Variants in MYBPC3 observed in about 807,000 individuals in gnomAD.
MYBPC3 encodes myosin-binding protein C, cardiac-type.
Under a neutral mutation model 159.3 loss-of-function variants are expected in MYBPC3, and 108 were observed. The ratio of observed to expected loss-of-function variants is 0.68; its 90% CI spans 0.58 to 0.80. MYBPC3 has a LOEUF of 0.80. Among genes scored for constraint, MYBPC3 ranks in the 30% least tolerant of loss-of-function variants. The pLI is 0.00. For missense variants in MYBPC3, 1,631 were observed against 1,762.1 expected (o/e 0.93, Z 1.33); for synonymous variants, 730 against 702.0 (o/e 1.04, Z -0.63).
chr11:47,351,189 G>GGGGCCCCCCCCCCCCCCC lies in MYBPC3; in HGVS notation c.292+49_292+50insGGGGGGGGGGGGGGGCCC. On this transcript the variant is annotated intron_variant, in intron 2 of 34. Coordinates refer to ENST00000545968, the MANE Select transcript of MYBPC3 (RefSeq NM_000256.3). The surrounding 1 kb of genome is among the most constrained non-coding windows in gnomAD (Gnocchi z 4.2). The stretch of plus-strand genomic sequence containing the variant: ...TGGATGGATGGAGAGTCGCTGGGCT[G>GGGGCCCCCCCCCCCCCCC]CCCCTCCCCCAGCAGCCCAAACCTC... 1.4e-6 allele frequency: 2 copies of GGGGCCCCCCCCCCCCCCC among 1,449,110 alleles called. No homozygotes were observed. The highest frequency in any genetic ancestry group is 9.2e-7 in the Non-Finnish European group (1 of 1,087,870). 89.8% of individuals were successfully genotyped at this position (1,449,110 alleles called of 1,614,324 possible). A position where few individuals can be genotyped will look rare whatever the true frequency, so the allele number is the denominator to read the frequency against.
chr11:47,338,680 CT>C lies in MYBPC3; in HGVS notation c.2149-2del, dbSNP rs1555121488. On this transcript the variant is annotated splice_acceptor_variant, in intron 22 of 34. Transcript: ENST00000545968. LOFTEE classifies it high-confidence loss of function. The surrounding 1 kb of genome is among the most constrained non-coding windows in gnomAD (Gnocchi z 4.7). ...CCCGGCCCTCGGTCTCACACAGCAG[CT>C]GGGGGGGTGCAGAGTTGGGGTGAGA... 1.2e-6 allele frequency: 2 copies of C among 1,608,902 alleles called. No homozygotes were observed. Among genetic ancestry groups the C allele is most frequent in the Non-Finnish European group, 1.7e-6 (2 of 1,177,384 alleles).
intron 12 of MYBPC3, among the ~76,000 whole-genome samples, chr11:47,344,881 C>T (rs1327501363): frequency 1.3e-4 from 20 of 152,306 alleles, no homozygotes; most frequent in Admixed American, 9.2e-4. Flanking sequence ...ACCTCTGCCT[C>T]CCGGGTTCAA....
At position 47,337,500 on chromosome 11, in the gene MYBPC3, A is replaced by C. The variant is rs1291707257; in HGVS notation, c.2493T>G (p.His831Gln). The C allele has an allele frequency of 1.2e-6, 2 of 1,613,862 alleles. No individual in the cohort carries two copies. The highest frequency in any genetic ancestry group is 1.7e-6 in the Non-Finnish European group (2 of 1,179,890). The change falls in exon 25 of 35, where the codon CAT becomes CAG. Residue 831 changes from histidine (H) to glutamine (Q), a missense_variant. Transcript: ENST00000545968. Reference protein sequence around the residue: ...LNFDLIQELSHEARRMIEGVV... With the variant: ...LNFDLIQELSQEARRMIEGVV... ...CGCCCTCGATCATGCGCCGCGCTTCATGACTCAGCTCCTGAATCAGGTCGA... is the reference window on the plus strand; with the variant it reads ...CGCCCTCGATCATGCGCCGCGCTTCCTGACTCAGCTCCTGAATCAGGTCGA...
In MYBPC3 at chr11:47,332,482, C is replaced by A; in HGVS notation, c.3627+84G>T. ...CAAGGTGGAGAGAAAGCAGGGGAGA[C>A]AGGCTGGGGAGAGGACTGCTCAACG... On this transcript the variant is annotated intron_variant, in intron 32 of 34. Coordinates refer to ENST00000545968, the MANE Select transcript of MYBPC3 (RefSeq NM_000256.3). This position sits in a 1 kb window ranked among gnomAD's most constrained non-coding sequence, Gnocchi z 4.2. The A allele has an allele frequency of 6.5e-7, 1 of 1,538,210 alleles. No individual in the cohort carries two copies.
chr11:47,349,248 C>CA (rs1016045297), intron 5 of MYBPC3, among the ~76,000 whole-genome samples: 35 of 151,918 alleles, frequency 2.3e-4, no homozygotes, highest in African/African-American at 8.5e-4. Context: ...AAACAAAACA[C>CA]AAAAAACGAA....
chr11:47,335,805 G>A, intron 26 of MYBPC3, 72 bp downstream of exon 26: 1 of 1,322,086 alleles, frequency 7.6e-7, no homozygotes, highest in Non-Finnish European at 9.9e-7. Flanking sequence ...CTTGACTACA[G>A]GTGAATCTGC....
Position 47,342,564 on chromosome 11 carries a change from C to A in MYBPC3, c.1624+14G>T. On this transcript the variant is annotated intron_variant, in intron 17 of 34. Transcript: ENST00000545968. ...AAGCCCTAAAGCCTCATGTGCCCCC[C>A]CAGCCAGGCTCACCCTGCACAATGA... 6.4e-7 allele frequency: 1 copy of A among 1,565,566 alleles called. No homozygotes were observed. Among genetic ancestry groups the A allele is most frequent in the Non-Finnish European group, 8.7e-7 (1 of 1,155,278 alleles).
chr11:47,336,610 C>T (rs954619751), intron 25 of MYBPC3, among the ~76,000 whole-genome samples: 9 of 151,718 alleles, frequency 5.9e-5, no homozygotes, highest in South Asian at 4.1e-4. Context: ...GTCCCTAAAA[C>T]GAGAGGCCTG....
At position 47,332,410 on chromosome 11, in the gene MYBPC3, T is replaced by C. The variant is rs1000675950; in HGVS notation, c.3628-152A>G. ...CTGGAAACAAACATGGAACCAAGAG[T>C]GAGTACCATGGCCCTGCCCAGGGGG... On this transcript the variant is annotated intron_variant, in intron 32 of 34. Coordinates refer to ENST00000545968, the MANE Select transcript of MYBPC3 (RefSeq NM_000256.3). The surrounding 1 kb of genome is among the most constrained non-coding windows in gnomAD (Gnocchi z 4.2). Among the ~76,000 whole-genome samples, 3 of 151,082 alleles carry C rather than the reference T, an allele frequency of 2.0e-5. No homozygotes were observed. The highest frequency in any genetic ancestry group is 2.1e-4 in the South Asian group (1 of 4,786).
At chr11:47,341,603 G>A (rs369127079) in intron 18 of MYBPC3, among the ~76,000 whole-genome samples, 2 of 152,188 alleles carry the variant, frequency 1.3e-5, no homozygotes, top group African/African-American at 2.4e-5. Context: ...GGCCAGAGCC[G>A]GCCTCCTTGG....
rs545528335 is a variant in MYBPC3 at position 47,352,294 on chromosome 11, C to T, written c.25+329G>A. Among the ~76,000 whole-genome samples, 18 of 152,164 alleles carry T rather than the reference C, an allele frequency of 1.2e-4. No homozygotes were observed. The South Asian group carries it at 3.1e-3, about 26-fold the overall frequency. ...CCATACTAAACGTGGGCTCTGTCCG[C>T]GGGGAACCTTGCTGTGGAAGGTGAA... is the stretch of plus-strand genomic sequence containing the variant. On this transcript the variant is annotated intron_variant, in intron 1 of 34. Coordinates refer to ENST00000545968, the MANE Select transcript of MYBPC3 (RefSeq NM_000256.3).
chr11:47,332,878 C>T lies in MYBPC3; in HGVS notation c.3426G>A (p.Gln1142=), dbSNP rs769827229. 2 of 1,607,566 alleles carry T rather than the reference C, an allele frequency of 1.2e-6. No individual in the cohort carries two copies. Among genetic ancestry groups the T allele is most frequent in the East Asian group, 2.2e-5 (1 of 44,708 alleles). ...CTCTGTCACTAAAGCCAACCATATT[C>T]TGGCTGAAGACGCGGAAGTAGTAGC... ...GNGYYFRVFS[Q]NMVGFSDRAA... is the part of the protein sequence containing the mutation. Residue 1142 remains glutamine (Q), a synonymous_variant, in exon 31 of 35, where the codon CAG becomes CAA. Coordinates refer to ENST00000545968, the MANE Select transcript of MYBPC3 (RefSeq NM_000256.3). The surrounding 1 kb of genome is among the most constrained non-coding windows in gnomAD (Gnocchi z 4.2).
At position 47,340,998 on chromosome 11, in the gene MYBPC3, C is replaced by G; in HGVS notation, c.1927+5G>C. ...GAACCAAGACTCAGGGGCCCCAAGA[C>G]TTACCCTGCCTGGGTACGAAGTCAA... is the stretch of plus-strand genomic sequence containing the variant. On this transcript the variant is annotated splice_donor_5th_base_variant and intron_variant, in intron 20 of 34. Coordinates refer to ENST00000545968, the MANE Select transcript of MYBPC3 (RefSeq NM_000256.3). 1 of 1,562,676 alleles carries G rather than the reference C, an allele frequency of 6.4e-7. No individual in the cohort carries two copies. Among genetic ancestry groups the G allele is most frequent in the Non-Finnish European group, 8.7e-7 (1 of 1,155,070 alleles).
chr11:47,341,392 A>G, intron 18 of MYBPC3, 148 bp from the exon 19 acceptor site: 1 of 605,294 alleles, frequency 1.7e-6, no homozygotes, highest in Admixed American at 3.2e-5. Flanking sequence ...TTTCTATATT[A>G]TCTAATTTTC....
At chr11:47,339,497 T>C in intron 21 of MYBPC3, 93 bp from the exon 22 acceptor site, 16 of 1,500,858 alleles carry the variant, frequency 1.1e-5, no homozygotes, top group Non-Finnish European at 1.5e-5. Context: ...TGACCCACAC[T>C]GCCCACCTTG....
intron 18 of MYBPC3, among the ~76,000 whole-genome samples, chr11:47,341,512 C>A (rs2095888567): frequency 6.6e-6 from 1 of 152,200 alleles, no homozygotes; most frequent in Non-Finnish European, 1.5e-5. Context: ...TCTCATTAAT[C>A]TCTGTGAACT....
chr11:47,335,282 T>A, intron 26 of MYBPC3, 73 bp from the exon 27 acceptor site: 1 of 1,183,712 alleles, frequency 8.4e-7, no homozygotes. Context: ...TGCCCACTCC[T>A]CTGATAGGAA....
Position 47,349,749 on chromosome 11 carries a change from G to A in MYBPC3, c.654+25C>T, listed in dbSNP as rs1248801199. On this transcript the variant is annotated intron_variant, in intron 5 of 34. Transcript: ENST00000545968. ...GGCTCTCCATGTCCCCTCTCTCCGT[G>A]TCTCCACGACCCCGGTGGACCCACC... 6 of 1,597,934 alleles carry A rather than the reference G, an allele frequency of 3.8e-6. No homozygotes were observed. In the East Asian group the frequency reaches 1.3e-4, roughly 36 times the overall value.
Position 47,333,940 on chromosome 11 carries a change from G to T in MYBPC3, c.2976C>A (p.Asn992Lys), listed in dbSNP as rs2095879907. The T allele has an allele frequency of 2.5e-6, 4 of 1,579,148 alleles. No homozygotes were observed. The highest frequency in any genetic ancestry group is 3.4e-6 in the Non-Finnish European group (4 of 1,162,640). Residue 992 changes from asparagine (N) to lysine (K), a missense_variant, in exon 28 of 35, where the codon AAC (asparagine) becomes AAA (lysine). Asn to Lys is a moderately conservative substitution (Grantham distance 94). Coordinates refer to ENST00000545968, the MANE Select transcript of MYBPC3 (RefSeq NM_000256.3). ...TIQKKVGEPV[N>K]LLIPFQGKPR... ...GTCCCACCTGGAAAGGGATGAGAAG[G>T]TTCACAGGCTCCCCGACCTTCTTCT...
Sources: gnomAD v4.1 joint callset for allele counts (sites outside exome capture counted in the v4.1 genomes callset) on GRCh38, gnomAD v4.1.1 for gene constraint, Gnocchi (gnomAD v3.1) non-coding constraint, MANE v1.5 for transcripts, NCBI Gene and HGNC (gene_info 2026-07-23, HGNC 2026-07-21) for gene names.